Variants in PHF21A observed in about 807,000 individuals in gnomAD.
The protein encoded by PHF21A is BHC80a.
In PHF21A, 11 loss-of-function variants were observed where a neutral mutation model predicts 82.5. The ratio of observed to expected loss-of-function variants is 0.13; its 90% confidence interval spans 0.08 to 0.22. The LOEUF (loss-of-function observed/expected upper bound fraction) is 0.22. PHF21A is among the 10% of genes least tolerant of loss of function. The pLI, the probability that PHF21A is intolerant of heterozygous loss-of-function variation, is 1.00. For missense variants in PHF21A, 579 were observed against 837.8 expected, an observed-to-expected ratio of 0.69 and a Z score of 3.81; for synonymous variants, 297 against 302.8, an observed-to-expected ratio of 0.98 and a Z score of 0.20.
chr11:46,075,918 T>A (rs1293204021), intron 6 of PHF21A, among the ~76,000 whole-genome samples: 2 of 152,222 alleles, frequency 1.3e-5, no homozygotes, highest in Non-Finnish European at 2.9e-5. Flanking sequence ...AAATCCTCAA[T>A]AAAATGTCAC....
At chr11:46,083,835 T>C (rs1376902989) in intron 4 of PHF21A, among the ~76,000 whole-genome samples, 4 of 152,212 alleles carry the variant, frequency 2.6e-5, no homozygotes, top group African/African-American at 4.8e-5. Flanking sequence ...CATGTTGTTA[T>C]TTAAAACATG....
chr11:45,937,671 G>C (rs1204029297), intron 16 of PHF21A, among the ~76,000 whole-genome samples: 2 of 152,078 alleles, frequency 1.3e-5, no homozygotes, highest in African/African-American at 2.4e-5. Context: ...AGTAGAGATG[G>C]GGTTTCGCCA....
chr11:45,949,630 C>G, intron 12 of PHF21A, 149 bp from the exon 13 acceptor site: 1 of 687,528 alleles, frequency 1.5e-6, no homozygotes, highest in Non-Finnish European at 2.6e-6. Context: ...GGCAAGCACA[C>G]TACTGGAAGC....
chr11:46,075,539 G>A (rs920041777), intron 6 of PHF21A, among the ~76,000 whole-genome samples: 4 of 152,116 alleles, frequency 2.6e-5, no homozygotes, highest in Admixed American at 6.6e-5. Flanking sequence ...CATACTAACC[G>A]ACTCTGTTTA....
At chr11:46,051,456 A>G (rs1234320002) in intron 6 of PHF21A, among the ~76,000 whole-genome samples, 2 of 152,152 alleles carry the variant, frequency 1.3e-5, no homozygotes, top group African/African-American at 4.8e-5. Flanking sequence ...GGCACAAAAG[A>G]GTTTACTAGG....
chr11:46,009,379 A>G (rs1336397478), intron 6 of PHF21A, among the ~76,000 whole-genome samples: 2 of 152,160 alleles, frequency 1.3e-5, no homozygotes, highest in Admixed American at 6.6e-5. Flanking sequence ...GGGTTCTGAC[A>G]CATTCCATTT....
intron 1 of PHF21A, among the ~76,000 whole-genome samples, 155 bp downstream of exon 1, chr11:46,120,780 T>C (rs1853060100): frequency 6.7e-6 from 1 of 148,412 alleles, no homozygotes; most frequent in Non-Finnish European, 1.5e-5. Flanking sequence ...AGGCAGCCCC[T>C]GATCCTCCCA....
At chr11:45,976,071 A>G (rs2094007535) in intron 7 of PHF21A, among the ~76,000 whole-genome samples, 1 of 152,116 alleles carries the variant, frequency 6.6e-6, no homozygotes, top group Non-Finnish European at 1.5e-5. Flanking sequence ...CATGCTTTGG[A>G]GGGCTTGGCC....
intron 6 of PHF21A, among the ~76,000 whole-genome samples, chr11:46,007,228 CCT>C (rs771910736): frequency 9.2e-5 from 14 of 152,134 alleles, no homozygotes; most frequent in East Asian, 3.8e-4. Flanking sequence ...AAAAGGGCCC[CCT>C]GTCTTTTCAA....
intron 3 of PHF21A, among the ~76,000 whole-genome samples, chr11:46,087,579 G>C (rs1472776495): frequency 6.6e-6 from 1 of 152,132 alleles, no homozygotes. Context: ...TCTCTTTCTG[G>C]ATAGTAATTT....
At chr11:45,967,173 G>A (rs2093488468) in intron 9 of PHF21A, among the ~76,000 whole-genome samples, 2 of 151,862 alleles carry the variant, frequency 1.3e-5, no homozygotes, top group African/African-American at 4.8e-5. Context: ...GTTTGAGACC[G>A]GCCTGGCCAA....
chr11:46,004,137 T>C (rs2095230286), intron 6 of PHF21A, among the ~76,000 whole-genome samples: 1 of 152,210 alleles, frequency 6.6e-6, no homozygotes, highest in Non-Finnish European at 1.5e-5. Context: ...GTCTCCCCTT[T>C]TTCTTATCCC....
At chr11:45,975,377 T>TAAGAC (rs1555032728) in intron 7 of PHF21A, among the ~76,000 whole-genome samples, 4 of 130,502 alleles carry the variant, frequency 3.1e-5, no homozygotes, top group African/African-American at 1.1e-4. Flanking sequence ...TAAAATAAAA[T>TAAGAC]AAAACAAAAC....
intron 6 of PHF21A, among the ~76,000 whole-genome samples, chr11:46,070,557 C>T (rs2096645355): frequency 6.6e-6 from 1 of 152,164 alleles, no homozygotes; most frequent in African/African-American, 2.4e-5. Context: ...TCTTGAACTC[C>T]TGATCTCAGG....
chr11:45,967,471 G>A (rs775653706), intron 9 of PHF21A, among the ~76,000 whole-genome samples: 1 of 152,112 alleles, frequency 6.6e-6, no homozygotes, highest in Non-Finnish European at 1.5e-5. Flanking sequence ...CATAACTTGG[G>A]CACATCCATT....
At chr11:46,004,416 A>G (rs1005668635) in intron 6 of PHF21A, among the ~76,000 whole-genome samples, 1 of 152,198 alleles carries the variant, frequency 6.6e-6, no homozygotes, top group South Asian at 2.1e-4. Context: ...CTTTTAATAG[A>G]TAAGAAATAA....
In PHF21A at chr11:45,933,857, G is replaced by T; in HGVS notation, c.*111C>A. 9.0e-7 allele frequency: 1 copy of T among 1,109,698 alleles called. No individual in the cohort carries two copies. Among genetic ancestry groups the T allele is most frequent in the Non-Finnish European group, 1.3e-6 (1 of 796,992 alleles). The allele number at this position is 1,109,698 out of a possible 1,614,324, so 68.7% of individuals were successfully genotyped here. ...CATCTTCTCTCTCTCTGGAACCAAAGAACCAAAAGAATTCTGCACTTTCCA... is the reference window on the plus strand; with the variant it reads ...CATCTTCTCTCTCTCTGGAACCAAATAACCAAAAGAATTCTGCACTTTCCA... On this transcript the variant is annotated 3_prime_UTR_variant, in exon 19 of 19. Transcript: ENST00000676320.
chr11:45,945,953 T>C lies in PHF21A; in HGVS notation c.1339A>G (p.Thr447Ala), dbSNP rs371629369. Residue 447 changes from threonine (T) to alanine (A), a missense_variant, in exon 15 of 19, where the codon ACA (threonine) becomes GCA (alanine). Thr to Ala is a moderately conservative substitution (Grantham distance 58, BLOSUM62 0). This residue lies in a region of PHF21A where 410 missense variants were observed against 642.1 expected (regional missense o/e 0.64). Coordinates refer to ENST00000676320, the MANE Select transcript of PHF21A (RefSeq NM_001352027.3). ...AVLGFGALTP[T>A]SPQSSHPDSP... is the part of the protein sequence containing the mutation. ...TCAGGATGACTGGATTGGGGGGATGTTGGGGTAAGGGCTCCAAACCCCAGC... is the reference window on the plus strand; with the variant it reads ...TCAGGATGACTGGATTGGGGGGATGCTGGGGTAAGGGCTCCAAACCCCAGC... The C allele has an allele frequency of 2.8e-5, 45 of 1,613,554 alleles. No homozygotes were observed. The highest frequency in any genetic ancestry group is 1.6e-4 in the Middle Eastern group (1 of 6,082).
At chr11:46,119,471 C>G (rs1333069876) in intron 1 of PHF21A, among the ~76,000 whole-genome samples, 1 of 152,174 alleles carries the variant, frequency 6.6e-6, no homozygotes, top group Non-Finnish European at 1.5e-5. Flanking sequence ...AAGAATATTT[C>G]AACATATGAC....
Sources: gnomAD v4.1 joint callset for allele counts (sites outside exome capture counted in the v4.1 genomes callset) on GRCh38, gnomAD v4.1.1 for gene constraint, gnomAD v4.1.1 regional missense constraint, MANE v1.5 for transcripts, NCBI Gene and HGNC (gene_info 2026-07-23, HGNC 2026-07-21) for gene names.